The following ANP32E variants were observed in gnomAD, a reference collection of about 807,000 sequenced individuals.
ANP32E encodes acidic nuclear phosphoprotein 32 family member E.
ANP32E carries 14 observed loss-of-function variants against 35.3 expected under a neutral mutation model. The ratio of observed to expected loss-of-function variants is 0.40; its 90% CI spans 0.26 to 0.62. ANP32E has a LOEUF of 0.62. ANP32E is among the 20% of genes least tolerant of loss of function. The pLI, the probability that ANP32E is intolerant of heterozygous loss-of-function variation, is 0.45. For missense variants in ANP32E, 198 were observed against 304.4 expected (o/e 0.65, Z 2.60); for synonymous variants, 89 against 110.4 (o/e 0.81, Z 1.22).
At chr1:150,231,463 C>T (rs966371594) in intron 2 of ANP32E, among the ~76,000 whole-genome samples, 13 of 150,688 alleles carry the variant, frequency 8.6e-5, no homozygotes, top group Admixed American at 2.7e-4. Context: ...GGTGTGGTGG[C>T]GCATGCCTGT....
intron 1 of ANP32E, among the ~76,000 whole-genome samples, chr1:150,233,583 A>G (rs1649546453): frequency 6.6e-6 from 1 of 152,112 alleles, no homozygotes; most frequent in African/African-American, 2.4e-5. Context: ...CCTATTAGGT[A>G]AGAGTTGTAG....
At chr1:150,230,758 T>TTTGAAATG in intron 2 of ANP32E, 65 bp from the exon 3 acceptor site, 2 of 1,519,662 alleles carry the variant, frequency 1.3e-6, no homozygotes, top group Non-Finnish European at 8.9e-7. Context: ...TTTTTTTTTT[T>TTTGAAATG]TGAAATGTAG....
chr1:150,223,681 CAAAAAA>C (rs781932099), intron 5 of ANP32E, among the ~76,000 whole-genome samples: 2 of 76,760 alleles, frequency 2.6e-5, no homozygotes, highest in Non-Finnish European at 4.5e-5. Flanking sequence ...GGCTTCATCT[CAAAAAA>C]AAAAAAAAAA....
In ANP32E at chr1:150,226,692, A is replaced by G; in HGVS notation, c.597T>C (p.Asp199=). The part of the protein sequence containing the change: ...EEEEEEDEDE[D]EDEDEAGSEL... ...CTGAACCTGCTTCATCTTCATCTTC[A>G]TCCTCATCCTCATCCTCCTCTTCCT... The change falls in exon 5 of 7, where the codon GAT becomes GAC. Residue 199 remains aspartate (D), a synonymous_variant. Transcript: ENST00000583931. The G allele has an allele frequency of 6.3e-7, 1 of 1,577,190 alleles. No homozygotes were observed. Among genetic ancestry groups the G allele is most frequent in the Non-Finnish European group, 8.7e-7 (1 of 1,153,102 alleles).
At chr1:150,223,596 G>C (rs1358241714) in intron 5 of ANP32E, among the ~76,000 whole-genome samples, 4 of 142,170 alleles carry the variant, frequency 2.8e-5, no homozygotes, top group Non-Finnish European at 6.0e-5. Flanking sequence ...CAGGAGAATC[G>C]CAAGAACCTC....
intron 4 of ANP32E, among the ~76,000 whole-genome samples, chr1:150,227,024 A>G (rs1005677162): frequency 6.6e-6 from 1 of 152,076 alleles, no homozygotes; most frequent in Non-Finnish European, 1.5e-5. Context: ...TCCAATATAT[A>G]TCTAGATTCT....
In ANP32E at chr1:150,231,978, G is replaced by T. The variant is rs965930219; in HGVS notation, c.55-52C>A. ...GATTCTTTAGTTTGTAATCTGTTTAGGTAGAGACCTGGGTCTTGACACTCT... is the reference window on the plus strand; with the variant it reads ...GATTCTTTAGTTTGTAATCTGTTTATGTAGAGACCTGGGTCTTGACACTCT... On this transcript the variant is annotated intron_variant, in intron 1 of 6. Coordinates refer to ENST00000583931, the MANE Select transcript of ANP32E (RefSeq NM_030920.5). The T allele has an allele frequency of 5.7e-5, 88 of 1,545,452 alleles. No homozygotes were observed. In the East Asian group the frequency reaches 2.0e-3, roughly 35 times the overall value.
chr1:150,223,034 G>T, intron 6 of ANP32E, 152 bp downstream of exon 6: 1 of 818,958 alleles, frequency 1.2e-6, no homozygotes. Context: ...TTATAACTTT[G>T]AAGGCACTCT....
intron 5 of ANP32E, among the ~76,000 whole-genome samples, chr1:150,226,051 G>C (rs1232433142): frequency 6.8e-6 from 1 of 147,388 alleles, no homozygotes; most frequent in Non-Finnish European, 1.5e-5. Context: ...CGTTGCCCAG[G>C]CTGGAGTGCA....
rs1469725038 is a variant in ANP32E at position 150,218,491 on chromosome 1, A to C, written c.*2200T>G. On this transcript the variant is annotated 3_prime_UTR_variant, in exon 7 of 7. Transcript: ENST00000583931. ...AACTTTAAGTTACAGCAGTCACAGA[A>C]AAAAACAGGGAACAGTCAAAAACAA... 3 of 152,636 alleles carry C rather than the reference A, an allele frequency of 2.0e-5. No individual in the cohort carries two copies. The highest frequency in any genetic ancestry group is 4.4e-5 in the Non-Finnish European group (3 of 68,038). The allele number at this position is 152,636 out of a possible 1,614,324, so 9.5% of individuals were successfully genotyped here.
intron 2 of ANP32E, among the ~76,000 whole-genome samples, chr1:150,231,555 C>T (rs868922833): frequency 5.1e-5 from 2 of 39,288 alleles, no homozygotes; most frequent in East Asian, 2.0e-3. Flanking sequence ...GATCTTGCCA[C>T]GGCACTCCAG....
chr1:150,230,320 T>TAA (rs138982897), intron 3 of ANP32E, among the ~76,000 whole-genome samples: 3 of 151,078 alleles, frequency 2.0e-5, no homozygotes, highest in Admixed American at 2.0e-4. Flanking sequence ...GAAAGAAGGT[T>TAA]AAAAAAAAAT....
intron 5 of ANP32E, among the ~76,000 whole-genome samples, chr1:150,224,206 A>T (rs1364559163): frequency 6.6e-6 from 1 of 152,198 alleles, no homozygotes; most frequent in Non-Finnish European, 1.5e-5. Context: ...CTGCAGACTA[A>T]ACTGAAGAAG....
At chr1:150,234,066 C>G (rs1242686158) in intron 1 of ANP32E, among the ~76,000 whole-genome samples, 3 of 152,110 alleles carry the variant, frequency 2.0e-5, no homozygotes, top group African/African-American at 7.2e-5. Context: ...GGGTAAAGTG[C>G]TTTGTAAACT....
At chr1:150,222,775 A>G (rs1239745456) in intron 6 of ANP32E, among the ~76,000 whole-genome samples, 7 of 151,056 alleles carry the variant, frequency 4.6e-5, no homozygotes, top group East Asian at 1.9e-4. Flanking sequence ...AAACAAAAAT[A>G]TATATATATA....
chr1:150,223,106 G>A lies in ANP32E; in HGVS notation c.736+80C>T, dbSNP rs1405752824. On this transcript the variant is annotated intron_variant, in intron 6 of 6. Transcript: ENST00000583931. Reference sequence around the variant, plus strand: ...GCATTATAGGCTCATTCTTTAAAGTGTATGAAATACAAATAAATAAAGTAT... The same window carrying A: ...GCATTATAGGCTCATTCTTTAAAGTATATGAAATACAAATAAATAAAGTAT... 6 of 1,418,392 alleles carry A rather than the reference G, an allele frequency of 4.2e-6. No homozygotes were observed. In the Admixed American group the frequency reaches 1.1e-4, roughly 26 times the overall value. 87.9% of individuals were successfully genotyped at this position (1,418,392 alleles called of 1,614,324 possible).
Position 150,220,058 on chromosome 1 carries a change from T to C in ANP32E, c.*633A>G, listed in dbSNP as rs1648208543. 1 of 152,104 alleles carries C rather than the reference T, an allele frequency of 6.6e-6. No homozygotes were observed. The highest frequency in any genetic ancestry group is 2.1e-4 in the South Asian group (1 of 4,832). 9.4% of individuals were successfully genotyped at this position (152,104 alleles called of 1,614,324 possible). The stretch of plus-strand genomic sequence containing the variant: ...AGCAATTTTTCCTTCAAAAATAAAA[T>C]CTTATCAGTCACCACTAAATCCATG... On this transcript the variant is annotated 3_prime_UTR_variant, in exon 7 of 7. Transcript: ENST00000583931.
chr1:150,227,317 T>C (rs1273589672), intron 4 of ANP32E, among the ~76,000 whole-genome samples: 2 of 152,110 alleles, frequency 1.3e-5, no homozygotes, highest in Admixed American at 1.3e-4. Flanking sequence ...CACAGCACTA[T>C]TCACAATATC....
Position 150,220,492 on chromosome 1 carries a change from A to C in ANP32E, c.*199T>G, listed in dbSNP as rs1298451483. On this transcript the variant is annotated 3_prime_UTR_variant, in exon 7 of 7. Transcript: ENST00000583931. ...AATTCCACAATGGGAGTCAATGAAA[A>C]TTTTTCTCTACATACAATATGATCA... 2 of 513,294 alleles carry C rather than the reference A, an allele frequency of 3.9e-6. No homozygotes were observed. The highest frequency in any genetic ancestry group is 6.9e-6 in the Non-Finnish European group (2 of 287,900). The allele number at this position is 513,294 out of a possible 1,614,324, so 31.8% of individuals were successfully genotyped here.
Sources: gnomAD v4.1 joint callset for allele counts (sites outside exome capture counted in the v4.1 genomes callset) on GRCh38, gnomAD v4.1.1 for gene constraint, MANE v1.5 for transcripts, NCBI Gene and HGNC (gene_info 2026-07-23, HGNC 2026-07-21) for gene names.